TTLL9: variants seen among roughly 807,000 people sequenced by gnomAD.
The protein encoded by TTLL9 is probable tubulin polyglutamylase TTLL9.
TTLL9 carries 47 observed loss-of-function variants against 65.6 expected under a neutral mutation model. That is an observed-to-expected ratio of 0.72 (90% CI 0.57 to 0.91). The LOEUF (loss-of-function observed/expected upper bound fraction) is 0.91. TTLL9 is among the 40% of genes least tolerant of loss of function. TTLL9 has a pLI of 0.00. For synonymous variants in TTLL9, 179 were observed against 204.8 expected, an observed-to-expected ratio of 0.87 and a Z score of 1.07; for missense variants, 537 against 568.8, an observed-to-expected ratio of 0.94 and a Z score of 0.57.
At chr20:31,884,269 A>G (rs935123875) in intron 2 of TTLL9, among the ~76,000 whole-genome samples, 1 of 152,156 alleles carries the variant, frequency 6.6e-6, no homozygotes. Context: ...TCTGTCACCC[A>G]GGCTGGAGTG....
At chr20:31,935,078 G>A in intron 12 of TTLL9, among the ~76,000 whole-genome samples, 190 bp downstream of exon 12, 1 of 152,112 alleles carries the variant, frequency 6.6e-6, no homozygotes, top group Non-Finnish European at 1.5e-5. Context: ...GGTCATTAGA[G>A]GATCGTTATG....
chr20:31,881,749 G>A (rs1459398203), intron 2 of TTLL9, among the ~76,000 whole-genome samples: 1 of 151,820 alleles, frequency 6.6e-6, no homozygotes, highest in African/African-American at 2.4e-5. Context: ...CTTTATGAAA[G>A]TGTTAGAAAA....
At chr20:31,934,085 T>G (rs1427625468) in intron 11 of TTLL9, among the ~76,000 whole-genome samples, 1 of 152,238 alleles carries the variant, frequency 6.6e-6, no homozygotes, top group Non-Finnish European at 1.5e-5. Flanking sequence ...AACACACACC[T>G]AAACAAAATA....
chr20:31,874,557 G>A (rs2063011144), intron 2 of TTLL9, among the ~76,000 whole-genome samples: 1 of 151,986 alleles, frequency 6.6e-6, no homozygotes, highest in Non-Finnish European at 1.5e-5. Flanking sequence ...GACTACAGGT[G>A]CCCACCCATG....
intron 4 of TTLL9, among the ~76,000 whole-genome samples, chr20:31,903,441 T>G (rs1462146016): frequency 6.6e-6 from 1 of 152,208 alleles, no homozygotes; most frequent in African/African-American, 2.4e-5. Flanking sequence ...TCCTCTTTCT[T>G]GACTGTGCCT....
At chr20:31,914,870 C>A (rs1214530356) in intron 6 of TTLL9, among the ~76,000 whole-genome samples, 1 of 152,210 alleles carries the variant, frequency 6.6e-6, no homozygotes, top group Non-Finnish European at 1.5e-5. Flanking sequence ...CACTGCTAGA[C>A]CTCAACTGGA....
At chr20:31,906,081 C>T (rs533613000) in intron 4 of TTLL9, among the ~76,000 whole-genome samples, 2 of 151,074 alleles carry the variant, frequency 1.3e-5, no homozygotes, top group South Asian at 4.2e-4. Flanking sequence ...AAGGGATCTC[C>T]ATTTACAACA....
intron 2 of TTLL9, among the ~76,000 whole-genome samples, chr20:31,884,330 A>T (rs1330412862): frequency 6.6e-6 from 1 of 152,102 alleles, no homozygotes; most frequent in Non-Finnish European, 1.5e-5. Context: ...GGTTCAAGTG[A>T]TTCTCCTGCC....
In TTLL9 at chr20:31,944,544, T is replaced by C. The variant is rs920264261; in HGVS notation, c.*1523T>C. 2.0e-5 allele frequency: 3 copies of C among 152,324 alleles called. No homozygotes were observed. Among genetic ancestry groups the C allele is most frequent in the African/African-American group, 7.2e-5 (3 of 41,456 alleles). The allele number at this position is 152,324 out of a possible 1,614,324, so 9.4% of individuals were successfully genotyped here. A position where few individuals can be genotyped will look rare whatever the true frequency, so the allele number is the denominator to read the frequency against. ...AGCTTATAAGACACCAGCCTTCCCC[T>C]TGCTTTCCTCACTTGATGTATCTTG... On this transcript the variant is annotated 3_prime_UTR_variant, in exon 15 of 15. Coordinates refer to ENST00000535842, the MANE Select transcript of TTLL9 (RefSeq NM_001008409.5).
At chr20:31,931,859 C>T (rs1016384789) in intron 10 of TTLL9, among the ~76,000 whole-genome samples, 27 of 152,132 alleles carry the variant, frequency 1.8e-4, no homozygotes, top group Middle Eastern at 3.4e-3. Context: ...TGATAATTTC[C>T]GTTGAAGCAC....
intron 4 of TTLL9, among the ~76,000 whole-genome samples, chr20:31,906,129 G>A (rs181742738): frequency 6.6e-6 from 1 of 151,856 alleles, no homozygotes; most frequent in East Asian, 1.9e-4. Context: ...CAGTTGCTAT[G>A]GCTGTGTAAC....
At chr20:31,919,291 G>T (rs1215474005) in intron 6 of TTLL9, among the ~76,000 whole-genome samples, 1 of 152,152 alleles carries the variant, frequency 6.6e-6, no homozygotes, top group Non-Finnish European at 1.5e-5. Context: ...AACAAAATGG[G>T]CTGTTTGGCA....
At chr20:31,909,997 C>T (rs1035908722) in intron 6 of TTLL9, 75 bp downstream of exon 6, 4 of 1,449,178 alleles carry the variant, frequency 2.8e-6, no homozygotes, top group African/African-American at 2.8e-5. Context: ...GGTGCAGACA[C>T]TGCCTGGGAA....
At chr20:31,942,889 C>T in intron 14 of TTLL9, 56 bp from the exon 15 acceptor site, 2 of 1,573,764 alleles carry the variant, frequency 1.3e-6, no homozygotes, top group Non-Finnish European at 1.7e-6. Flanking sequence ...GGGCACAGGC[C>T]CCTCCACTCC....
chr20:31,930,550 G>A (rs1389093466), intron 10 of TTLL9, among the ~76,000 whole-genome samples: 1 of 152,064 alleles, frequency 6.6e-6, no homozygotes, highest in Non-Finnish European at 1.5e-5. Context: ...ACATTTTATT[G>A]TTAATTCATG....
chr20:31,943,112 C>T lies in TTLL9; in HGVS notation c.*91C>T, dbSNP rs1202630610. On this transcript the variant is annotated 3_prime_UTR_variant, in exon 15 of 15. Coordinates refer to ENST00000535842, the MANE Select transcript of TTLL9 (RefSeq NM_001008409.5). ...TCCCAGCACAGCACCTCACAGCATT[C>T]GCCTCCCCACCTCCAGCCTGGCACC... 1.5e-5 allele frequency: 18 copies of T among 1,208,080 alleles called. No individual in the cohort carries two copies. Among genetic ancestry groups the T allele is most frequent in the East Asian group, 4.7e-5 (2 of 42,796 alleles). The allele number at this position is 1,208,080 out of a possible 1,614,324, so 74.8% of individuals were successfully genotyped here. A position where few individuals can be genotyped will look rare whatever the true frequency, so the allele number is the denominator to read the frequency against.
At chr20:31,873,941 C>T (rs1600507412) in intron 2 of TTLL9, among the ~76,000 whole-genome samples, 1 of 152,212 alleles carries the variant, frequency 6.6e-6, no homozygotes, top group Non-Finnish European at 1.5e-5. Flanking sequence ...TGGCCCTGGC[C>T]TTAGCAGCTC....
At chr20:31,879,705 C>T (rs1281842261) in intron 2 of TTLL9, 4 of 1,033,048 alleles carry the variant, frequency 3.9e-6, no homozygotes, top group Non-Finnish European at 5.5e-6. Flanking sequence ...GCCAGGACGC[C>T]CAATAGCCTC....
At chr20:31,914,251 A>AACAGT (rs2063699049) in intron 6 of TTLL9, among the ~76,000 whole-genome samples, 1 of 152,194 alleles carries the variant, frequency 6.6e-6, no homozygotes, top group East Asian at 1.9e-4. Context: ...AAATCCAAAT[A>AACAGT]ACAGTAGCTT....
Sources: gnomAD v4.1 joint callset for allele counts (sites outside exome capture counted in the v4.1 genomes callset) on GRCh38, gnomAD v4.1.1 for gene constraint, MANE v1.5 for transcripts, NCBI Gene and HGNC (gene_info 2026-07-23, HGNC 2026-07-21) for gene names.